Variants in ARPP21 observed in about 807,000 individuals in gnomAD.
ARPP21 encodes cAMP regulated phosphoprotein 21.
In ARPP21, 69 loss-of-function variants were observed where a neutral mutation model predicts 113.2. That is an observed-to-expected ratio of 0.61 (90% CI 0.50 to 0.74). The LOEUF is 0.74. Ranked by LOEUF, ARPP21 falls within the 30% of genes least tolerant of loss-of-function variation. ARPP21 has a pLI of 0.00. For synonymous variants in ARPP21, 368 were observed against 375.5 expected (o/e 0.98, Z 0.23); for missense variants, 1,070 against 1,037.4 (o/e 1.03, Z -0.43).
chr3:35,774,694 A>T (rs1030425398), intron 19 of ARPP21: 1 of 152,178 alleles, frequency 6.6e-6, no homozygotes, highest in Non-Finnish European at 1.5e-5. Context: ...ATTTTATTCA[A>T]ATTGCTTTTA....
intron 2 of ARPP21, among the ~76,000 whole-genome samples, chr3:35,680,521 A>T (rs1187341030): frequency 1.3e-5 from 2 of 151,902 alleles, no homozygotes; most frequent in Non-Finnish European, 2.9e-5. Context: ...TATTTTTCTC[A>T]TACTTCCTAT....
chr3:35,704,395 T>A (rs1026954174), intron 9 of ARPP21, among the ~76,000 whole-genome samples: 1 of 151,880 alleles, frequency 6.6e-6, no homozygotes, highest in South Asian at 2.1e-4. Context: ...ATGATATTTT[T>A]AAAATAATGT....
intron 1 of ARPP21, among the ~76,000 whole-genome samples, chr3:35,647,213 G>C (rs1700581517): frequency 6.6e-6 from 1 of 152,134 alleles, no homozygotes; most frequent in Non-Finnish European, 1.5e-5. Flanking sequence ...AGGTAGGAGA[G>C]TATACACAGC....
At chr3:35,674,183 G>C (rs1264325169) in intron 1 of ARPP21, among the ~76,000 whole-genome samples, 1 of 151,926 alleles carries the variant, frequency 6.6e-6, no homozygotes, top group Non-Finnish European at 1.5e-5. Context: ...CATCATTTCA[G>C]AGGATCATTT....
At chr3:35,673,366 C>T (rs767869420) in intron 1 of ARPP21, among the ~76,000 whole-genome samples, 16 of 151,890 alleles carry the variant, frequency 1.1e-4, no homozygotes, top group African/African-American at 2.7e-4. Flanking sequence ...CATTCTTTTG[C>T]GCCCCTAGAA....
intron 14 of ARPP21, among the ~76,000 whole-genome samples, chr3:35,725,382 G>A (rs2093448519): frequency 6.6e-6 from 1 of 152,156 alleles, no homozygotes; most frequent in Admixed American, 6.5e-5. Context: ...CTCTAGTCTG[G>A]AAGAAACCAG....
intron 19 of ARPP21, among the ~76,000 whole-genome samples, chr3:35,779,453 T>A (rs965691002): frequency 6.6e-6 from 1 of 152,178 alleles, no homozygotes; most frequent in African/African-American, 2.4e-5. Flanking sequence ...TGAGAAATTC[T>A]GTGTGTGATC....
intron 19 of ARPP21, among the ~76,000 whole-genome samples, chr3:35,773,163 A>G (rs1326671802): frequency 6.6e-6 from 1 of 152,118 alleles, no homozygotes; most frequent in Admixed American, 6.6e-5. Context: ...GAACCCTGGG[A>G]GTGGCGTACT....
intron 16 of ARPP21, 51 bp downstream of exon 16, chr3:35,737,413 T>G: frequency 1.6e-6 from 2 of 1,284,222 alleles, no homozygotes; most frequent in Non-Finnish European, 2.2e-6. Context: ...AGATGAAGGC[T>G]ACATAGTCCT....
At chr3:35,759,789 C>A (rs1015549418) in intron 19 of ARPP21, among the ~76,000 whole-genome samples, 1 of 151,536 alleles carries the variant, frequency 6.6e-6, no homozygotes, top group African/African-American at 2.4e-5. Flanking sequence ...GATTTGATTT[C>A]TTCCGAAGCG....
chr3:35,668,024 AAGAAGAAGG>A (rs1393582010), intron 1 of ARPP21, among the ~76,000 whole-genome samples: 17 of 135,936 alleles, frequency 1.3e-4, no homozygotes, highest in South Asian at 4.8e-4. Context: ...GAAGAAGAAG[AAGAAGAAGG>A]AGAAGAAGAA....
chr3:35,768,783 T>C (rs188564979), intron 19 of ARPP21, among the ~76,000 whole-genome samples: 1 of 152,312 alleles, frequency 6.6e-6, no homozygotes, highest in Admixed American at 6.5e-5. Context: ...ATTACTATAA[T>C]CATTTTATCA....
intron 5 of ARPP21, chr3:35,685,522 G>A (rs1400822226): frequency 2.0e-6 from 2 of 985,128 alleles, no homozygotes; most frequent in Non-Finnish European, 2.4e-6. Context: ...TACAAAATGT[G>A]CGGACTGAAT....
At chr3:35,787,853 G>A (rs992501860) in intron 19 of ARPP21, among the ~76,000 whole-genome samples, 8 of 152,098 alleles carry the variant, frequency 5.3e-5, no homozygotes, top group African/African-American at 1.9e-4. Flanking sequence ...AGAAAAGCAA[G>A]GATGCCAAAG....
intron 15 of ARPP21, among the ~76,000 whole-genome samples, chr3:35,734,612 CT>C (rs1443531247): frequency 2.0e-5 from 3 of 152,160 alleles, no homozygotes; most frequent in African/African-American, 7.2e-5. Context: ...TTCAAAGTTT[CT>C]TGTTACTAAC....
chr3:35,789,847 A>G (rs1406760032), intron 19 of ARPP21, among the ~76,000 whole-genome samples: 1 of 152,160 alleles, frequency 6.6e-6, no homozygotes, highest in African/African-American at 2.4e-5. Context: ...TGCTTTCTGA[A>G]TGTCTTAACA....
intron 19 of ARPP21, among the ~76,000 whole-genome samples, chr3:35,752,015 T>C (rs534407463): frequency 2.5e-4 from 38 of 152,252 alleles, no homozygotes; most frequent in Admixed American, 3.9e-4. Flanking sequence ...TGTCAGAGTA[T>C]GATCTTTTTC....
intron 14 of ARPP21, among the ~76,000 whole-genome samples, chr3:35,727,946 C>A (rs976921537): frequency 6.6e-6 from 1 of 152,026 alleles, no homozygotes; most frequent in Non-Finnish European, 1.5e-5. Flanking sequence ...ACCTTAGGGG[C>A]TTCTGCACAC....
intron 19 of ARPP21, among the ~76,000 whole-genome samples, chr3:35,748,097 A>AGAAG (rs1364237500): frequency 7.4e-6 from 1 of 135,324 alleles, no homozygotes; most frequent in Non-Finnish European, 1.6e-5. Context: ...AAAGAAAGAA[A>AGAAG]GAAAGAAAGA....
Sources: allele counts gnomAD v4.1 joint callset (sites outside exome capture counted in the v4.1 genomes callset), GRCh38; gene constraint gnomAD v4.1.1; transcripts MANE v1.5; gene names NCBI Gene and HGNC (gene_info 2026-07-23, HGNC 2026-07-21).